GRM7: variants seen among roughly 807,000 people sequenced by gnomAD.
GRM7 encodes metabotropic glutamate receptor 7.
GRM7 carries 35 observed loss-of-function variants against 84.5 expected under a neutral mutation model. That is an observed-to-expected ratio of 0.41 (90% CI 0.32 to 0.55). GRM7 has a LOEUF of 0.55. GRM7 is among the 20% of genes least tolerant of loss of function. GRM7 has a pLI of 0.19. For synonymous variants in GRM7, 487 were observed against 455.1 expected (o/e 1.07, Z -0.89); for missense variants, 1,003 against 1,194.6 (o/e 0.84, Z 2.36).
intron 2 of GRM7, among the ~76,000 whole-genome samples, chr3:7,179,053 C>A (rs182486461): frequency 1.6e-4 from 24 of 152,070 alleles, no homozygotes; most frequent in African/African-American, 5.8e-4. Flanking sequence ...TTGCAGTGAG[C>A]GGAGATTGTG....
At chr3:7,360,137 CTGTGTGTG>C (rs58123164) in intron 4 of GRM7, among the ~76,000 whole-genome samples, 13 of 136,038 alleles carry the variant, frequency 9.6e-5, no homozygotes, top group African/African-American at 1.5e-4. Context: ...TTTTTTCCCT[CTGTGTGTG>C]TGTGTGTGTG....
At chr3:7,346,671 G>GTACGAT (rs1559254269) in intron 4 of GRM7, among the ~76,000 whole-genome samples, 1 of 151,476 alleles carries the variant, frequency 6.6e-6, no homozygotes, top group Non-Finnish European at 1.5e-5. Flanking sequence ...TCTTCCTATT[G>GTACGAT]TACTAAGTGA....
intron 1 of GRM7, among the ~76,000 whole-genome samples, chr3:6,995,920 T>C (rs1239962035): frequency 6.6e-6 from 1 of 152,154 alleles, no homozygotes; most frequent in Non-Finnish European, 1.5e-5. Flanking sequence ...ATGTGAAAGG[T>C]AAGCTTCTGT....
chr3:6,927,822 C>A (rs965478760), intron 1 of GRM7, among the ~76,000 whole-genome samples: 8 of 151,990 alleles, frequency 5.3e-5, no homozygotes, highest in Admixed American at 4.6e-4. Flanking sequence ...CTGAATATTC[C>A]AATATATGGG....
intron 2 of GRM7, among the ~76,000 whole-genome samples, chr3:7,193,893 T>G (rs1575015797): frequency 6.6e-6 from 1 of 152,050 alleles, no homozygotes; most frequent in East Asian, 1.9e-4. Flanking sequence ...ATGACATCCA[T>G]TAGTGTGGAT....
chr3:7,682,571 C>CACA (rs753919806), intron 9 of GRM7, among the ~76,000 whole-genome samples: 1,306 of 46,310 alleles, frequency 0.028, 15 homozygotes, highest in African/African-American at 0.095. Context: ...CACACACACA[C>CACA]ATTTAACTAG....
chr3:6,954,356 C>T (rs1233167241), intron 1 of GRM7, among the ~76,000 whole-genome samples: 2 of 152,180 alleles, frequency 1.3e-5, no homozygotes, highest in African/African-American at 4.8e-5. Flanking sequence ...TAACTATAGT[C>T]ACCCTACTCT....
chr3:7,010,167 C>T (rs1044604152), intron 1 of GRM7, among the ~76,000 whole-genome samples: 1 of 152,076 alleles, frequency 6.6e-6, no homozygotes, highest in Non-Finnish European at 1.5e-5. Flanking sequence ...GCCAGTAGCT[C>T]GGGACGGGCA....
chr3:7,005,833 T>C (rs1183285718), intron 1 of GRM7, among the ~76,000 whole-genome samples: 15 of 152,182 alleles, frequency 9.9e-5, no homozygotes. Context: ...CTACCTATTT[T>C]TACACTATGT....
At chr3:7,025,445 G>T (rs528279289) in intron 1 of GRM7, among the ~76,000 whole-genome samples, 129 of 152,182 alleles carry the variant, frequency 8.5e-4, no homozygotes, top group Non-Finnish European at 1.3e-3. Context: ...AATATACAGC[G>T]TGAGTAGGTG....
chr3:7,572,853 T>A (rs1367009829), intron 7 of GRM7, among the ~76,000 whole-genome samples: 17,841 of 50,670 alleles, frequency 0.35, 4,964 homozygotes, highest in East Asian at 0.43. Flanking sequence ...TATATATATA[T>A]ATATATATAT....
chr3:6,893,530 C>G (rs1303411370), intron 1 of GRM7, among the ~76,000 whole-genome samples: 1 of 152,074 alleles, frequency 6.6e-6, no homozygotes, highest in Non-Finnish European at 1.5e-5. Context: ...AACTGAGCAT[C>G]CAAAACATGC....
At chr3:6,936,003 C>G (rs1363205976) in intron 1 of GRM7, among the ~76,000 whole-genome samples, 1 of 152,124 alleles carries the variant, frequency 6.6e-6, no homozygotes, top group Non-Finnish European at 1.5e-5. Context: ...GCCACCACTC[C>G]CAGCCTTTGC....
chr3:7,517,512 C>T (rs776122614), intron 7 of GRM7, among the ~76,000 whole-genome samples: 11 of 152,076 alleles, frequency 7.2e-5, no homozygotes, highest in Non-Finnish European at 1.5e-4. Flanking sequence ...CATGCCTCCG[C>T]CTCTCGAGTA....
Position 7,336,319 on chromosome 3 carries a change from A to G in GRM7, c.1033+29667A>G, listed in dbSNP as rs184777635. On this transcript the variant is annotated intron_variant, in intron 4 of 9. Transcript: ENST00000357716. Reference sequence around the variant, plus strand: ...ATATGGTCATCTCAATTGCAAAAAAAAAGCACTTGGCAAAATCCAGTATTC... The same window carrying G: ...ATATGGTCATCTCAATTGCAAAAAAGAAGCACTTGGCAAAATCCAGTATTC... Among the ~76,000 whole-genome samples the G allele has an allele frequency of 1.7e-3, 252 of 152,210 alleles. 1 individual carries two copies. Among genetic ancestry groups the G allele is most frequent in the Non-Finnish European group, 1.1e-3 (74 of 67,958 alleles).
At chr3:7,599,364 A>C (rs1696202033) in intron 8 of GRM7, among the ~76,000 whole-genome samples, 1 of 152,088 alleles carries the variant, frequency 6.6e-6, no homozygotes, top group African/African-American at 2.4e-5. Flanking sequence ...CACCCTGGCT[A>C]TTGTAGGTCC....
chr3:7,041,441 CA>C (rs1478278460), intron 1 of GRM7, among the ~76,000 whole-genome samples: 6 of 152,104 alleles, frequency 3.9e-5, no homozygotes, highest in African/African-American at 1.5e-4. Flanking sequence ...GTTACCTCTG[CA>C]GATGCATGTA....
intron 1 of GRM7, among the ~76,000 whole-genome samples, chr3:7,011,179 A>G (rs1695356606): frequency 6.6e-6 from 1 of 152,220 alleles, no homozygotes; most frequent in African/African-American, 2.4e-5. Flanking sequence ...TGAAATTGTT[A>G]TGTAAATTAA....
intron 1 of GRM7, among the ~76,000 whole-genome samples, chr3:6,919,684 T>C (rs1355330351): frequency 1.3e-5 from 2 of 152,076 alleles, no homozygotes; most frequent in Non-Finnish European, 2.9e-5. Flanking sequence ...ATGGGGTTCT[T>C]TCCCTACTCA....
Sources: allele counts gnomAD v4.1 joint callset (sites outside exome capture counted in the v4.1 genomes callset), GRCh38; gene constraint gnomAD v4.1.1; transcripts MANE v1.5; gene names NCBI Gene and HGNC (gene_info 2026-07-23, HGNC 2026-07-21).